The following ALG5 variants were observed in gnomAD, a reference collection of about 807,000 sequenced individuals.
ALG5 encodes dolichyl-phosphate beta-glucosyltransferase.
A neutral mutation model predicts 51.8 loss-of-function variants in ALG5; 26 were observed. That is an observed-to-expected ratio of 0.50 (90% CI 0.37 to 0.70). The LOEUF (loss-of-function observed/expected upper bound fraction) is 0.70. Among genes scored for constraint, ALG5 ranks in the 30% least tolerant of loss-of-function variants. The pLI, the probability that ALG5 is intolerant of heterozygous loss-of-function variation, is 0.00. For synonymous variants in ALG5, 141 were observed against 136.1 expected, an observed-to-expected ratio of 1.04 and a Z score of -0.25; for missense variants, 311 against 399.3, an observed-to-expected ratio of 0.78 and a Z score of 1.88.
At position 36,999,251 on chromosome 13, in the gene ALG5, G is replaced by A. The variant is rs1351399585; in HGVS notation, c.50C>T (p.Ala17Val). The part of the protein sequence containing the change: ...QLAVLGAALA[A>V]AALVLISIVA... Reference sequence around the variant, plus strand: ...TGTTCTCACCAGTACGAGGGCTGCGGCCGCCAGCGCCGCGCCGAGCACCGC... The same window carrying A: ...TGTTCTCACCAGTACGAGGGCTGCGACCGCCAGCGCCGCGCCGAGCACCGC... Residue 17 changes from alanine (A) to valine (V), a missense_variant, in exon 1 of 10, where the codon GCC becomes GTC. By Grantham distance (64) the Ala-to-Val change is moderately conservative. Transcript: ENST00000239891. The A allele has an allele frequency of 3.8e-6, 6 of 1,580,112 alleles. No individual in the cohort carries two copies. In the African/African-American group the frequency reaches 5.6e-5, roughly 15 times the overall value.
intron 8 of ALG5, among the ~76,000 whole-genome samples, chr13:36,963,496 G>C (rs1461060825): frequency 7.6e-5 from 2 of 26,230 alleles, no homozygotes; most frequent in Admixed American, 5.4e-4. Flanking sequence ...CCTAGTTCTG[G>C]AGCAATAGCT....
At chr13:36,971,397 A>C (rs1261982111) in intron 7 of ALG5, among the ~76,000 whole-genome samples, 3 of 152,124 alleles carry the variant, frequency 2.0e-5, no homozygotes, top group African/African-American at 7.2e-5. Flanking sequence ...CTTTAATCCT[A>C]GTACTTTGGG....
chr13:36,963,944 A>G (rs1000453906), intron 8 of ALG5, among the ~76,000 whole-genome samples: 2 of 152,236 alleles, frequency 1.3e-5, no homozygotes, highest in Admixed American at 1.3e-4. Context: ...GCTGGGCATG[A>G]TATTAGATAG....
intron 6 of ALG5, among the ~76,000 whole-genome samples, chr13:36,975,903 C>T (rs1388873116): frequency 6.6e-6 from 1 of 151,752 alleles, no homozygotes; most frequent in Non-Finnish European, 1.5e-5. Flanking sequence ...CCCCTGTAGT[C>T]CCAGCTACTC....
At chr13:36,993,381 T>G in intron 4 of ALG5, among the ~76,000 whole-genome samples, 1 of 152,226 alleles carries the variant, frequency 6.6e-6, no homozygotes, top group East Asian at 1.9e-4. Context: ...GGAGGAACTG[T>G]GCGCGGGCAT....
At chr13:36,967,222 CA>C (rs1370057490) in intron 7 of ALG5, among the ~76,000 whole-genome samples, 381 of 64,150 alleles carry the variant, frequency 5.9e-3, no homozygotes, top group South Asian at 7.7e-3. Context: ...GACTCCAACT[CA>C]AAAAAAAAAA....
At chr13:36,953,743 T>G (rs554804945) in intron 8 of ALG5, among the ~76,000 whole-genome samples, 1 of 152,224 alleles carries the variant, frequency 6.6e-6, no homozygotes, top group Non-Finnish European at 1.5e-5. Flanking sequence ...ATTAGGTAAA[T>G]AGTTTAAATT....
intron 6 of ALG5, among the ~76,000 whole-genome samples, chr13:36,982,388 T>C (rs1414179986): frequency 6.6e-6 from 1 of 152,248 alleles, no homozygotes; most frequent in African/African-American, 2.4e-5. Context: ...TTGTAAAAAC[T>C]TTCCAATATT....
intron 1 of ALG5, among the ~76,000 whole-genome samples, chr13:36,998,659 G>A (rs2059063974): frequency 6.6e-6 from 1 of 152,224 alleles, no homozygotes; most frequent in Non-Finnish European, 1.5e-5. Flanking sequence ...GGGACACAAT[G>A]CGACCCCGGA....
In ALG5 at chr13:36,989,520, C is replaced by G; in HGVS notation, c.411G>C (p.Leu137=). The change falls in exon 5 of 10, where the codon CTG becomes CTC. Residue 137 remains leucine, a synonymous_variant. Coordinates refer to ENST00000239891, the MANE Select transcript of ALG5 (RefSeq NM_013338.5). ...YGSDKVRVIT[L]VKNRGKGGAI... The stretch of plus-strand genomic sequence containing the variant: ...CTCCACCTTTTCCACGATTCTTCAC[C>G]AGGGTTATCACACGTACTTTGTCAC... 3 of 1,612,778 alleles carry G rather than the reference C, an allele frequency of 1.9e-6. No homozygotes were observed. The highest frequency in any genetic ancestry group is 2.5e-6 in the Non-Finnish European group (3 of 1,179,256).
rs535724459 is a variant in ALG5, at chr13:36,985,824, T to C, written c.448-84A>G. 266 of 832,546 alleles carry C rather than the reference T, an allele frequency of 3.2e-4. 1 individual carries two copies. Among genetic ancestry groups the C allele is most frequent in the Middle Eastern group, 2.1e-3 (9 of 4,192 alleles). 51.6% of individuals were successfully genotyped at this position (832,546 alleles called of 1,614,324 possible). On this transcript the variant is annotated intron_variant, in intron 5 of 9. Transcript: ENST00000239891. ...ACACTTCAGTCTGTTCTACTTAAAA[T>C]ACCTAAGAGTGAAAGATGAGGTATG... is the stretch of plus-strand genomic sequence containing the variant.
intron 2 of ALG5, 83 bp downstream of exon 2, chr13:36,995,342 G>A (rs2059044174): frequency 7.1e-7 from 1 of 1,405,842 alleles, no homozygotes; most frequent in Admixed American, 2.2e-5. Context: ...TAATGTTTTG[G>A]CAAAGACAGT....
chr13:36,986,329 C>A (rs187484492), intron 5 of ALG5, among the ~76,000 whole-genome samples: 85 of 152,240 alleles, frequency 5.6e-4, no homozygotes, highest in Admixed American at 5.6e-3. Flanking sequence ...CAAAATTATG[C>A]CATTCAATTC....
Position 36,965,596 on chromosome 13 carries a change from G to A in ALG5, c.752C>T (p.Ser251Leu), listed in dbSNP as rs752699413. The A allele has an allele frequency of 7.4e-6, 12 of 1,613,538 alleles. No individual in the cohort carries two copies. In the Admixed American group the frequency reaches 1.8e-4, roughly 25 times the overall value. ...CTACCATCGTTCAACGTGTAGAGAT[G>A]AAAACGTCCGTGAAGCTGCTTCTCG... The part of the protein sequence containing the change: ...FTREAASRTF[S>L]SLHVERWAFD... The change falls in exon 8 of 10, where the codon TCA becomes TTA. Residue 251 changes from serine (S) to leucine (L), a missense_variant. Coordinates refer to ENST00000239891, the MANE Select transcript of ALG5 (RefSeq NM_013338.5).
Position 36,985,651 on chromosome 13 carries a change from C to T in ALG5, c.537G>A (p.Gly179=), listed in dbSNP as rs755176839. Residue 179 remains glycine (G), a synonymous_variant, in exon 6 of 10, where the codon GGG becomes GGA. Transcript: ENST00000239891. ...CAGGCCAAGGCTGTAGATCATTTAG[C>T]CCCTTTTCTAATTTCTCAACATCTG... The part of the protein sequence containing the change: ...KFPDVEKLEK[G]LNDLQPWPNQ... The T allele has an allele frequency of 1.2e-6, 2 of 1,613,498 alleles. No homozygotes were observed. Among genetic ancestry groups the T allele is most frequent in the Admixed American group, 1.7e-5 (1 of 59,966 alleles).
At chr13:36,958,965 T>C (rs1017178954) in intron 8 of ALG5, among the ~76,000 whole-genome samples, 2 of 151,884 alleles carry the variant, frequency 1.3e-5, no homozygotes, top group African/African-American at 4.8e-5. Context: ...TTCACTCTAT[T>C]AAATCTTGCA....
intron 1 of ALG5, 70 bp downstream of exon 1, chr13:36,999,165 G>A: frequency 7.3e-6 from 10 of 1,377,730 alleles, no homozygotes; most frequent in South Asian, 1.6e-5. Flanking sequence ...AGGAGGGGAC[G>A]CCTGAGGAGC....
rs750956210 is a variant in ALG5 at position 36,989,537 on chromosome 13, C to T, written c.394G>A (p.Val132Ile). ...KYCQKYGSDK[V>I]RVITLVKNRG... ...TTCTTCACCAGGGTTATCACACGTA[C>T]TTTGTCACTTCCATATTTCTGGCAA... Residue 132 changes from valine to isoleucine, a missense_variant, in exon 5 of 10, where the codon GTA becomes ATA. By Grantham distance (29) the Val-to-Ile change is conservative. Transcript: ENST00000239891. The T allele has an allele frequency of 6.2e-7, 1 of 1,612,858 alleles. No homozygotes were observed.
At chr13:36,965,546 G>T in intron 8 of ALG5, 29 bp downstream of exon 8, 1 of 1,604,974 alleles carries the variant, frequency 6.2e-7, no homozygotes, top group South Asian at 1.1e-5. Flanking sequence ...TCATAAGACA[G>T]ACTGGATACA....
Sources: gnomAD v4.1 joint callset for allele counts (sites outside exome capture counted in the v4.1 genomes callset) on GRCh38, gnomAD v4.1.1 for gene constraint, MANE v1.5 for transcripts, NCBI Gene and HGNC (gene_info 2026-07-23, HGNC 2026-07-21) for gene names.